The following LRRC4C variants were observed in gnomAD, a reference collection of about 807,000 sequenced individuals.
LRRC4C encodes leucine rich repeat containing 4C, also known as leucine-rich repeat-containing protein 4C.
LRRC4C carries 5 observed loss-of-function variants against 33.6 expected under a neutral mutation model. The observed-to-expected ratio is 0.15, with a 90% CI of 0.08 to 0.31. The LOEUF is 0.31. LRRC4C is among the 10% of genes least tolerant of loss of function. The probability of loss-of-function intolerance (pLI) is 1.00; values close to 1 mark genes in which losing one functional copy is unlikely to be tolerated. For synonymous variants in LRRC4C, 329 were observed against 302.0 expected (o/e 1.09, Z -0.93); for missense variants, 560 against 796.7 (o/e 0.70, Z 3.58).
chr11:40,670,086 T>C (rs2136266744), intron 2 of LRRC4C, among the ~76,000 whole-genome samples: 1 of 152,272 alleles, frequency 6.6e-6, no homozygotes, highest in East Asian at 1.9e-4. Flanking sequence ...TCCTGAAATC[T>C]CAAGAGCAAC....
intron 1 of LRRC4C, among the ~76,000 whole-genome samples, chr11:41,417,790 G>A (rs941384612): frequency 1.3e-5 from 2 of 151,508 alleles, no homozygotes; most frequent in African/African-American, 2.4e-5. Flanking sequence ...GCCTAAAAAA[G>A]TGTCCCTGAT....
intron 1 of LRRC4C, among the ~76,000 whole-genome samples, chr11:41,408,859 C>A (rs185228371): frequency 2.3e-4 from 35 of 152,066 alleles, no homozygotes; most frequent in Non-Finnish European, 2.9e-5. Flanking sequence ...TGTCTGCCAG[C>A]AGAGACCTTT....
chr11:41,007,795 A>G (rs1163624729), intron 1 of LRRC4C, among the ~76,000 whole-genome samples: 1 of 152,174 alleles, frequency 6.6e-6, no homozygotes, highest in African/African-American at 2.4e-5. Context: ...TTAGACATCT[A>G]GTCATAATCT....
intron 5 of LRRC4C, among the ~76,000 whole-genome samples, chr11:40,213,132 A>ATTAGCTCCTGTC: frequency 1.3e-5 from 2 of 152,134 alleles, no homozygotes; most frequent in Non-Finnish European, 2.9e-5. Context: ...ATTTCGCAGA[A>ATTAGCTCCTGTC]TGCAGCTGGG....
In LRRC4C at chr11:40,327,268, G is replaced by A. The variant is rs75129810; in HGVS notation, c.-269-7547C>T. The stretch of plus-strand genomic sequence containing the variant: ...GCTTTCAACAGAGGCTGCTTCTGGA[G>A]AATGAATGCCCTTTGGAGTCATGTG... On this transcript the variant is annotated intron_variant, in intron 3 of 6. Coordinates refer to ENST00000528697, the MANE Select transcript of LRRC4C (RefSeq NM_001258419.2). Among the ~76,000 whole-genome samples, 1,155 of 152,276 alleles carry A rather than the reference G, an allele frequency of 7.6e-3. 10 individuals carry two copies. Among genetic ancestry groups the A allele is most frequent in the African/African-American group, 0.026 (1,085 of 41,560 alleles).
intron 1 of LRRC4C, among the ~76,000 whole-genome samples, chr11:41,303,970 G>C (rs1950372866): frequency 1.1e-5 from 1 of 91,996 alleles, no homozygotes; most frequent in Non-Finnish European, 2.5e-5. Flanking sequence ...TCTCCGCCCG[G>C]CAGCCACCCC....
chr11:40,832,721 T>G (rs1200235223), intron 2 of LRRC4C, among the ~76,000 whole-genome samples: 5 of 152,144 alleles, frequency 3.3e-5, no homozygotes, highest in Admixed American at 1.3e-4. Context: ...TAAAAATATC[T>G]TCAGAACTTT....
At chr11:40,601,827 C>T in intron 3 of LRRC4C, among the ~76,000 whole-genome samples, 1 of 152,006 alleles carries the variant, frequency 6.6e-6, no homozygotes, top group East Asian at 1.9e-4. Context: ...TATTTTATTG[C>T]ACTGCACCCA....
intron 2 of LRRC4C, among the ~76,000 whole-genome samples, chr11:40,905,835 AT>A (rs1347715506): frequency 6.6e-6 from 1 of 152,232 alleles, no homozygotes; most frequent in Non-Finnish European, 1.5e-5. Context: ...CCAAATGACA[AT>A]AAAGGATTTA....
At chr11:40,482,841 T>C (rs11035859) in intron 3 of LRRC4C, among the ~76,000 whole-genome samples, 1,868 of 152,214 alleles carry the variant, frequency 0.012, 44 homozygotes, top group Admixed American at 0.036. Flanking sequence ...GCAAATCTTC[T>C]TAGGAAACAA....
chr11:41,445,865 C>CGTGTGTGTGTGTGTGTGTGT (rs748457357), intron 1 of LRRC4C, among the ~76,000 whole-genome samples: 9,061 of 135,448 alleles, frequency 0.067, 389 homozygotes, highest in Non-Finnish European at 0.09. Context: ...TGAGTGACTG[C>CGTGTGTGTGTGTGTGTGTGT]ATGTGTGTGT....
intron 1 of LRRC4C, among the ~76,000 whole-genome samples, chr11:41,424,181 A>C (rs1170404518): frequency 1.3e-5 from 2 of 152,080 alleles, no homozygotes; most frequent in Non-Finnish European, 2.9e-5. Flanking sequence ...GCATATAAAC[A>C]TGTAGCCCTA....
intron 1 of LRRC4C, among the ~76,000 whole-genome samples, chr11:41,418,296 C>T (rs1438114521): frequency 1.3e-5 from 2 of 151,908 alleles, no homozygotes; most frequent in African/African-American, 4.8e-5. Context: ...GTGAAATTAG[C>T]CATTCACAAG....
chr11:41,087,277 T>C (rs960847656), intron 1 of LRRC4C, among the ~76,000 whole-genome samples: 1 of 152,150 alleles, frequency 6.6e-6, no homozygotes, highest in Non-Finnish European at 1.5e-5. Context: ...ACATCTGGGC[T>C]AGCTCAATCT....
chr11:40,669,636 G>A (rs538541826), intron 2 of LRRC4C, among the ~76,000 whole-genome samples: 8 of 152,264 alleles, frequency 5.3e-5, no homozygotes, highest in African/African-American at 9.6e-5. Context: ...AAGACCCTCC[G>A]TTGTGTTTCA....
chr11:41,036,739 C>G (rs1203640380), intron 1 of LRRC4C, among the ~76,000 whole-genome samples: 1 of 151,886 alleles, frequency 6.6e-6, no homozygotes, highest in Non-Finnish European at 1.5e-5. Context: ...ATAAGGAAAC[C>G]TAAATGATGT....
At chr11:40,401,787 T>TA (rs1949770944) in intron 3 of LRRC4C, among the ~76,000 whole-genome samples, 1 of 152,162 alleles carries the variant, frequency 6.6e-6, no homozygotes, top group African/African-American at 2.4e-5. Context: ...GGATGCTGTG[T>TA]ATAAATTCAC....
At chr11:41,271,614 T>C (rs1949324125) in intron 1 of LRRC4C, among the ~76,000 whole-genome samples, 1 of 152,128 alleles carries the variant, frequency 6.6e-6, no homozygotes, top group Non-Finnish European at 1.5e-5. Flanking sequence ...CAGTCTGTTT[T>C]CTATTCTTCA....
chr11:41,394,975 C>G (rs1004884236), intron 1 of LRRC4C: 2 of 151,960 alleles, frequency 1.3e-5, no homozygotes, highest in Non-Finnish European at 2.9e-5. Flanking sequence ...AGAGAGAATC[C>G]TTTCATTTCT....
Sources: gnomAD v4.1 joint callset for allele counts (sites outside exome capture counted in the v4.1 genomes callset) on GRCh38, gnomAD v4.1.1 for gene constraint, MANE v1.5 for transcripts, NCBI Gene and HGNC (gene_info 2026-07-23, HGNC 2026-07-21) for gene names.